Variants in RNF217 observed in about 807,000 individuals in gnomAD.
RNF217 encodes ring finger protein 217.
Under a neutral mutation model 57.8 loss-of-function variants are expected in RNF217, and 31 were observed. The observed-to-expected ratio is 0.54, with a 90% CI of 0.40 to 0.72. The LOEUF (loss-of-function observed/expected upper bound fraction) is 0.72, where lower values mean the gene tolerates loss of function less well. Ranked by LOEUF, RNF217 falls within the 30% of genes least tolerant of loss-of-function variation. RNF217 has a pLI of 0.00. For missense variants in RNF217, 696 were observed against 708.3 expected, an observed-to-expected ratio of 0.98 and a Z score of 0.20; for synonymous variants, 313 against 294.0, an observed-to-expected ratio of 1.06 and a Z score of -0.66.
intron 1 of RNF217, among the ~76,000 whole-genome samples, chr6:125,024,022 T>G (rs982553748): frequency 6.6e-6 from 1 of 152,166 alleles, no homozygotes; most frequent in African/African-American, 2.4e-5. Flanking sequence ...GTGACTATAG[T>G]TAGTAACAAT....
At chr6:125,020,564 CTT>C (rs551891600) in intron 1 of RNF217, among the ~76,000 whole-genome samples, 2 of 145,630 alleles carry the variant, frequency 1.4e-5, no homozygotes, top group Non-Finnish European at 1.5e-5. Flanking sequence ...TTGTTGTTGC[CTT>C]TTTTTTTTTA....
intron 1 of RNF217, among the ~76,000 whole-genome samples, chr6:124,997,527 A>G (rs1784799178): frequency 6.6e-6 from 1 of 152,224 alleles, no homozygotes; most frequent in African/African-American, 2.4e-5. Context: ...TCATAGCTGT[A>G]GTAATGACAG....
rs182132826 is a variant in RNF217 at position 125,060,304 on chromosome 6, A to G, written c.1281+2198A>G. Among the ~76,000 whole-genome samples, 9 of 152,166 alleles carry G rather than the reference A, an allele frequency of 5.9e-5. No individual in the cohort carries two copies. The East Asian group carries it at 1.7e-3, about 29-fold the overall frequency. ...ACATATTTTCATATAAATGCTTTCA[A>G]TCATGATAACTAAATGTATTTAAAA... On this transcript the variant is annotated intron_variant, in intron 3 of 5. Transcript: ENST00000521654.
chr6:124,971,453 T>C (rs1562446110), intron 1 of RNF217: 1 of 329,742 alleles, frequency 3.0e-6, no homozygotes, highest in Admixed American at 3.5e-5. Flanking sequence ...GTTAAGTTTT[T>C]TTTTGTTTGT....
chr6:125,082,401 T>C, intron 5 of RNF217: 1 of 1,504,768 alleles, frequency 6.6e-7, no homozygotes, highest in Non-Finnish European at 8.9e-7. Context: ...GTTCTTGCAA[T>C]GTGAGTTAGG....
At chr6:124,965,288 T>C (rs764431103) in intron 1 of RNF217, among the ~76,000 whole-genome samples, 2 of 152,022 alleles carry the variant, frequency 1.3e-5, no homozygotes, top group African/African-American at 2.4e-5. Flanking sequence ...TAATACACAT[T>C]ATTGGCCGGG....
chr6:125,037,013 A>T (rs2114497825), intron 1 of RNF217, among the ~76,000 whole-genome samples: 1 of 151,038 alleles, frequency 6.6e-6, no homozygotes, highest in South Asian at 2.1e-4. Context: ...ATTGTGAAAG[A>T]CAGGGTGGCG....
chr6:125,018,215 G>T (rs907452434), intron 1 of RNF217, among the ~76,000 whole-genome samples: 1 of 152,150 alleles, frequency 6.6e-6, no homozygotes, highest in African/African-American at 2.4e-5. Flanking sequence ...ATCTTGTACA[G>T]TGTTTTAAAT....
intron 1 of RNF217, among the ~76,000 whole-genome samples, chr6:125,023,473 G>T (rs974772302): frequency 6.6e-6 from 1 of 152,210 alleles, no homozygotes; most frequent in Non-Finnish European, 1.5e-5. Flanking sequence ...TATACTGTTG[G>T]TGGGAATGTA....
chr6:124,978,495 A>AG (rs910997285), intron 1 of RNF217, among the ~76,000 whole-genome samples: 13 of 151,480 alleles, frequency 8.6e-5, no homozygotes, highest in African/African-American at 3.2e-4. Flanking sequence ...TGGAGCCCCA[A>AG]GGGGGGTTAC....
At chr6:124,976,910 G>A (rs985278561) in intron 1 of RNF217, among the ~76,000 whole-genome samples, 1 of 152,252 alleles carries the variant, frequency 6.6e-6, no homozygotes, top group African/African-American at 2.4e-5. Context: ...CTTTTCCTTC[G>A]AGATGAAGGG....
chr6:124,965,396 AAACCCC>A (rs1783498853), intron 1 of RNF217, among the ~76,000 whole-genome samples: 1 of 152,142 alleles, frequency 6.6e-6, no homozygotes, highest in African/African-American at 2.4e-5. Flanking sequence ...CAACATGGTG[AAACCCC>A]GTCTCTACTA....
At chr6:125,015,482 T>C (rs1051518069) in intron 1 of RNF217, among the ~76,000 whole-genome samples, 1 of 152,098 alleles carries the variant, frequency 6.6e-6, no homozygotes, top group Admixed American at 6.5e-5. Context: ...AGAGATTAGT[T>C]ACATAAATAG....
chr6:125,002,160 G>T (rs759254231), intron 1 of RNF217, among the ~76,000 whole-genome samples: 1 of 152,126 alleles, frequency 6.6e-6, no homozygotes, highest in Non-Finnish European at 1.5e-5. Flanking sequence ...AGCCTAGCCA[G>T]GACATCTTTG....
chr6:125,013,166 C>T (rs1785472344), intron 1 of RNF217, among the ~76,000 whole-genome samples: 1 of 151,874 alleles, frequency 6.6e-6, no homozygotes. Context: ...GGGGATATAG[C>T]AGTTAACCAA....
chr6:125,027,825 T>C (rs575805502), intron 1 of RNF217, among the ~76,000 whole-genome samples: 24 of 152,334 alleles, frequency 1.6e-4, no homozygotes, highest in African/African-American at 5.3e-4. Flanking sequence ...TGTTATTGCC[T>C]GTCTTTTGGA....
chr6:125,089,542 AT>A lies in RNF217; in HGVS notation c.*6607del, dbSNP rs1788873387. The A allele has an allele frequency of 6.6e-6, 1 of 152,176 alleles. No homozygotes were observed. Among genetic ancestry groups the A allele is most frequent in the Non-Finnish European group, 1.5e-5 (1 of 68,036 alleles). 9.4% of individuals were successfully genotyped at this position (152,176 alleles called of 1,614,324 possible). On this transcript the variant is annotated 3_prime_UTR_variant, in exon 6 of 6. Coordinates refer to ENST00000521654, the MANE Select transcript of RNF217 (RefSeq NM_001286398.3). ...ATTGAATGTAACTGATATTAACCCT[AT>A]TCTAGAGAAAACATTTGTCATTTGC...
Position 125,085,249 on chromosome 6 carries a change from T to A in RNF217, c.*2312T>A, listed in dbSNP as rs1788739331. On this transcript the variant is annotated 3_prime_UTR_variant, in exon 6 of 6. Transcript: ENST00000521654. Reference sequence around the variant, plus strand: ...TATTTGGAAAACTTTCCAATATTCCTGTTACAAAGTGGTGTCTGTTTTCAG... The same window carrying A: ...TATTTGGAAAACTTTCCAATATTCCAGTTACAAAGTGGTGTCTGTTTTCAG... The A allele has an allele frequency of 6.6e-6, 1 of 151,964 alleles. No homozygotes were observed. Among genetic ancestry groups the A allele is most frequent in the Non-Finnish European group, 1.5e-5 (1 of 67,866 alleles). The allele number at this position is 151,964 out of a possible 1,614,324, so 9.4% of individuals were successfully genotyped here. A position where few individuals can be genotyped will look rare whatever the true frequency, so the allele number is the denominator to read the frequency against.
chr6:124,975,065 A>G (rs895768176), intron 1 of RNF217, among the ~76,000 whole-genome samples: 3 of 152,216 alleles, frequency 2.0e-5, no homozygotes, highest in South Asian at 2.1e-4. Flanking sequence ...ATTTGCCTCA[A>G]TAATATTCTC....
Sources: allele counts gnomAD v4.1 joint callset (sites outside exome capture counted in the v4.1 genomes callset), GRCh38; gene constraint gnomAD v4.1.1; transcripts MANE v1.5; gene names NCBI Gene and HGNC (gene_info 2026-07-23, HGNC 2026-07-21).